FARS2: variants seen among roughly 807,000 people sequenced by gnomAD.
The protein encoded by FARS2 is phenylalanine--tRNA ligase, mitochondrial.
FARS2 carries 40 observed loss-of-function variants against 46.4 expected under a neutral mutation model. That is an observed-to-expected ratio of 0.86 (90% CI 0.67 to 1.12). FARS2 has a LOEUF of 1.12. FARS2 is among the 50% of genes most tolerant of loss of function. FARS2 has a pLI of 0.00. For missense variants in FARS2, 513 were observed against 567.9 expected (o/e 0.90, Z 0.98); for synonymous variants, 234 against 214.9 (o/e 1.09, Z -0.78).
At chr6:5,446,246 T>C (rs1309081289) in intron 4 of FARS2, among the ~76,000 whole-genome samples, 1 of 151,728 alleles carries the variant, frequency 6.6e-6, no homozygotes, top group Admixed American at 6.6e-5. Flanking sequence ...GAGGCATGCC[T>C]TCAATACAAA....
intron 5 of FARS2, among the ~76,000 whole-genome samples, chr6:5,565,636 A>G (rs144147324): frequency 2.1e-4 from 32 of 152,318 alleles, no homozygotes; most frequent in African/African-American, 7.5e-4. Flanking sequence ...ATCCCATACA[A>G]TTTTGGAACA....
chr6:5,270,037 T>C (rs1335058779), intron 1 of FARS2, among the ~76,000 whole-genome samples: 1 of 152,252 alleles, frequency 6.6e-6, no homozygotes, highest in Non-Finnish European at 1.5e-5. Flanking sequence ...TGAAATGGAT[T>C]ACAGTAATAT....
At chr6:5,418,422 T>G (rs1762361219) in intron 3 of FARS2, among the ~76,000 whole-genome samples, 1 of 152,238 alleles carries the variant, frequency 6.6e-6, no homozygotes, top group African/African-American at 2.4e-5. Context: ...GAGTTTCGTC[T>G]GGGGATAGTT....
intron 6 of FARS2, among the ~76,000 whole-genome samples, chr6:5,751,060 TC>T (rs1761917372): frequency 6.6e-6 from 1 of 152,128 alleles, no homozygotes; most frequent in Non-Finnish European, 1.5e-5. Context: ...CATATACTGT[TC>T]AATGTTTTTT....
At chr6:5,479,878 T>C (rs1399169025) in intron 4 of FARS2, among the ~76,000 whole-genome samples, 1 of 152,214 alleles carries the variant, frequency 6.6e-6, no homozygotes, top group Admixed American at 6.5e-5. Context: ...GCTAGCTATA[T>C]TGATGCACCC....
intron 6 of FARS2, among the ~76,000 whole-genome samples, chr6:5,681,061 T>C (rs1242227720): frequency 6.6e-6 from 1 of 152,240 alleles, no homozygotes; most frequent in Non-Finnish European, 1.5e-5. Flanking sequence ...GTTTGTGTTT[T>C]GTCAACACGA....
chr6:5,340,584 A>T (rs1172294332), intron 1 of FARS2, among the ~76,000 whole-genome samples: 1 of 152,186 alleles, frequency 6.6e-6, no homozygotes, highest in Non-Finnish European at 1.5e-5. Flanking sequence ...TTTTTAGCCT[A>T]CGTTTTCCTA....
At chr6:5,532,641 C>T (rs1769917266) in intron 4 of FARS2, among the ~76,000 whole-genome samples, 1 of 152,150 alleles carries the variant, frequency 6.6e-6, no homozygotes, top group South Asian at 2.1e-4. Context: ...ATCCCAGCTA[C>T]TCGGGAGGCT....
At chr6:5,564,696 G>C (rs1237770580) in intron 5 of FARS2, among the ~76,000 whole-genome samples, 2 of 152,194 alleles carry the variant, frequency 1.3e-5, no homozygotes, top group African/African-American at 4.8e-5. Context: ...GATTGACTTT[G>C]ATGAAACTGT....
chr6:5,619,830 T>C (rs190049846), intron 6 of FARS2, among the ~76,000 whole-genome samples: 1 of 152,204 alleles, frequency 6.6e-6, no homozygotes, highest in East Asian at 1.9e-4. Flanking sequence ...TCATTCTTTT[T>C]TCCATATGTT....
chr6:5,422,681 C>T (rs545229699), intron 3 of FARS2, among the ~76,000 whole-genome samples: 36 of 152,328 alleles, frequency 2.4e-4, no homozygotes, highest in East Asian at 9.6e-4. Context: ...CTCACATCAG[C>T]GTAAGCATGA....
At chr6:5,657,295 T>C (rs1425011636) in intron 6 of FARS2, among the ~76,000 whole-genome samples, 1 of 152,214 alleles carries the variant, frequency 6.6e-6, no homozygotes, top group Non-Finnish European at 1.5e-5. Context: ...AGCCTTTATC[T>C]AAACGAGGGC....
chr6:5,649,835 G>A (rs183914077), intron 6 of FARS2, among the ~76,000 whole-genome samples: 1 of 152,228 alleles, frequency 6.6e-6, no homozygotes, highest in African/African-American at 2.4e-5. Flanking sequence ...AAGTTTGGCA[G>A]ATGTGGTCTA....
intron 6 of FARS2, among the ~76,000 whole-genome samples, chr6:5,737,181 C>T (rs2150945976): frequency 6.6e-6 from 1 of 152,214 alleles, no homozygotes; most frequent in Admixed American, 6.5e-5. Flanking sequence ...ACACTCAGAG[C>T]CACTCAAAAG....
At chr6:5,315,741 C>CTTTCTTTCTTTCTTTCTTTCTTT (rs755531154) in intron 1 of FARS2, among the ~76,000 whole-genome samples, 3 of 60,002 alleles carry the variant, frequency 5.0e-5, no homozygotes, top group Admixed American at 2.0e-4. Context: ...TTTCTTTTTT[C>CTTTCTTTCTTTCTTTCTTTCTTT]CTTTCTTTCT....
intron 2 of FARS2, among the ~76,000 whole-genome samples, chr6:5,389,148 A>G (rs1298230298): frequency 1.4e-5 from 2 of 143,906 alleles, no homozygotes; most frequent in Non-Finnish European, 3.1e-5. Context: ...GCTAAATGAA[A>G]CAGTTAAAAA....
At chr6:5,305,513 A>G (rs918239968) in intron 1 of FARS2, among the ~76,000 whole-genome samples, 1 of 152,220 alleles carries the variant, frequency 6.6e-6, no homozygotes, top group Non-Finnish European at 1.5e-5. Context: ...TGAGAAACTT[A>G]GGGAAAGTAA....
At chr6:5,366,447 C>T (rs1489195116) in intron 1 of FARS2, among the ~76,000 whole-genome samples, 1 of 152,190 alleles carries the variant, frequency 6.6e-6, no homozygotes, top group African/African-American at 2.4e-5. Flanking sequence ...ATCCATCTCT[C>T]TCTGTTAGAG....
intron 6 of FARS2, among the ~76,000 whole-genome samples, chr6:5,770,623 T>G (rs1762986110): frequency 1.3e-5 from 2 of 152,312 alleles, no homozygotes; most frequent in South Asian, 4.1e-4. Context: ...CCAGTGTGTC[T>G]TAGCACCTGC....
Sources: allele counts gnomAD v4.1 joint callset (sites outside exome capture counted in the v4.1 genomes callset), GRCh38; gene constraint gnomAD v4.1.1; transcripts MANE v1.5; gene names NCBI Gene and HGNC (gene_info 2026-07-23, HGNC 2026-07-21).